SBF2: variants seen among roughly 807,000 people sequenced by gnomAD.
The protein encoded by SBF2 is myotubularin-related protein 13.
A neutral mutation model predicts 225.2 loss-of-function variants in SBF2; 112 were observed. That is an observed-to-expected ratio of 0.50 (90% CI 0.43 to 0.58). The LOEUF (loss-of-function observed/expected upper bound fraction) is 0.58. SBF2 is among the 20% of genes least tolerant of loss of function. The pLI is 0.00. For missense variants in SBF2, 1,996 were observed against 2,206.2 expected, an observed-to-expected ratio of 0.90 and a Z score of 1.91; for synonymous variants, 763 against 773.3, an observed-to-expected ratio of 0.99 and a Z score of 0.22.
At chr11:10,022,982 ATACT>A (rs1444386190) in intron 6 of SBF2, among the ~76,000 whole-genome samples, 3 of 152,110 alleles carry the variant, frequency 2.0e-5, no homozygotes, top group African/African-American at 7.2e-5. Context: ...ACGGCACATA[ATACT>A]TGCTTGTTTT....
intron 17 of SBF2, among the ~76,000 whole-genome samples, chr11:9,880,099 AAAAAAAAAAAAAG>A (rs1449962747): frequency 6.7e-6 from 1 of 149,004 alleles, no homozygotes; most frequent in Non-Finnish European, 1.5e-5. Context: ...AAAAAAAAAA[AAAAAAAAAAAAAG>A]ATCTCAGGAT....
intron 28 of SBF2, among the ~76,000 whole-genome samples, chr11:9,826,098 G>T (rs2133926063): frequency 6.6e-6 from 1 of 152,302 alleles, no homozygotes; most frequent in East Asian, 1.9e-4. Context: ...TAAAATACCA[G>T]TCCACACCCC....
chr11:10,214,886 G>T (rs1276390142), intron 1 of SBF2, among the ~76,000 whole-genome samples: 1 of 152,196 alleles, frequency 6.6e-6, no homozygotes. Flanking sequence ...CAAAAAGGGG[G>T]CTTAAGATAA....
rs75690203 is a variant in SBF2 at position 10,267,204 on chromosome 11, G to C, written c.55+26811C>G. On this transcript the variant is annotated intron_variant, in intron 1 of 39. Coordinates refer to ENST00000256190, the MANE Select transcript of SBF2 (RefSeq NM_030962.4). ...CTACTTGGAATATAGATGGGATGGA[G>C]CTGAGATGCTAAGTACAAAGCTAGA... is the stretch of plus-strand genomic sequence containing the variant. 2.6e-3 allele frequency among the ~76,000 whole-genome samples: 392 copies of C among 152,322 alleles called. 2 individuals are homozygous for C. Among genetic ancestry groups the C allele is most frequent in the Non-Finnish European group, 4.3e-3 (293 of 68,026 alleles).
Position 9,847,079 on chromosome 11 carries a change from A to C in SBF2, c.2811T>G (p.Gly937=). 6.2e-7 allele frequency: 1 copy of C among 1,613,730 alleles called. No homozygotes were observed. The highest frequency in any genetic ancestry group is 1.3e-5 in the African/African-American group (1 of 75,022). ...GAAAGCTCCGCACAACTGTCTGCTC[A>C]CCCACTGTAAATAGACAGGACACAG... The part of the protein sequence containing the change: ...FRGTPHDQLV[G]EQTVVRSFPI... The change falls in exon 23 of 40, where the codon GGT becomes GGG. Residue 937 remains glycine (G), a synonymous_variant. Coordinates refer to ENST00000256190, the MANE Select transcript of SBF2 (RefSeq NM_030962.4).
At chr11:9,884,334 C>T (rs542862662) in intron 17 of SBF2, among the ~76,000 whole-genome samples, 1 of 152,242 alleles carries the variant, frequency 6.6e-6, no homozygotes, top group South Asian at 2.1e-4. Context: ...TAATCTGGAC[C>T]TTTAGTTTTT....
At chr11:10,182,871 T>C (rs1956792844) in intron 2 of SBF2, among the ~76,000 whole-genome samples, 1 of 152,076 alleles carries the variant, frequency 6.6e-6, no homozygotes, top group African/African-American at 2.4e-5. Flanking sequence ...TGTCCTGGGT[T>C]CAAGTGATTC....
chr11:10,293,590 T>C (rs1015269807), intron 1 of SBF2, among the ~76,000 whole-genome samples: 1 of 152,216 alleles, frequency 6.6e-6, no homozygotes, highest in African/African-American at 2.4e-5. Flanking sequence ...GACAACCCCC[T>C]GCGTCACTGG....
At chr11:9,932,468 G>A (rs1274618926) in intron 16 of SBF2, among the ~76,000 whole-genome samples, 1 of 152,150 alleles carries the variant, frequency 6.6e-6, no homozygotes, top group Non-Finnish European at 1.5e-5. Context: ...GAGAGAGGGG[G>A]CCAATATTCA....
At chr11:10,020,062 G>A (rs150848528) in intron 6 of SBF2, among the ~76,000 whole-genome samples, 3 of 152,136 alleles carry the variant, frequency 2.0e-5, no homozygotes, top group Admixed American at 6.5e-5. Context: ...AATGTCAGGC[G>A]ACCATCAGGT....
chr11:10,099,490 T>C (rs1472757277), intron 2 of SBF2, among the ~76,000 whole-genome samples: 1 of 152,172 alleles, frequency 6.6e-6, no homozygotes, highest in East Asian at 1.9e-4. Flanking sequence ...AAAACTATTC[T>C]AATTAATAAC....
At chr11:10,294,860 C>T (rs1407536674), upstream of SBF2, among the ~76,000 whole-genome samples, 2 of 152,228 alleles carry the variant, frequency 1.3e-5, no homozygotes, top group African/African-American at 4.8e-5. Flanking sequence ...TGGCCTCTCC[C>T]TGGGGAGCCC....
intron 16 of SBF2, among the ~76,000 whole-genome samples, chr11:9,948,468 T>C (rs552417135): frequency 5.3e-4 from 81 of 152,330 alleles, no homozygotes; most frequent in African/African-American, 1.8e-3. Context: ...CTAGAGTTCA[T>C]TGATTCTTTA....
At chr11:9,912,015 A>C (rs1483522415) in intron 16 of SBF2, among the ~76,000 whole-genome samples, 2 of 152,182 alleles carry the variant, frequency 1.3e-5, no homozygotes, top group African/African-American at 4.8e-5. Context: ...AAACACTATA[A>C]ATTTTTTTTG....
chr11:9,812,435 G>T, intron 30 of SBF2, 97 bp downstream of exon 30: 1 of 1,308,206 alleles, frequency 7.6e-7, no homozygotes, highest in Non-Finnish European at 1.1e-6. Context: ...TGGGGAGTAG[G>T]GGAACAAAGT....
At chr11:10,037,093 T>C (rs1949466208) in intron 3 of SBF2, among the ~76,000 whole-genome samples, 1 of 152,170 alleles carries the variant, frequency 6.6e-6, no homozygotes, top group Non-Finnish European at 1.5e-5. Context: ...AAAATACATC[T>C]GTGAGGGACA....
intron 2 of SBF2, among the ~76,000 whole-genome samples, chr11:10,154,101 T>C (rs1000245650): frequency 6.6e-6 from 1 of 152,096 alleles, no homozygotes; most frequent in Non-Finnish European, 1.5e-5. Context: ...AGTTAATTAG[T>C]GGAAGTCTTC....
At chr11:10,069,318 AC>A (rs144803249) in intron 2 of SBF2, among the ~76,000 whole-genome samples, 1 of 71,712 alleles carries the variant, frequency 1.4e-5, no homozygotes, top group African/African-American at 7.8e-5. Flanking sequence ...CCCTCCCCCC[AC>A]CCCCCAACAG....
intron 2 of SBF2, among the ~76,000 whole-genome samples, chr11:10,157,515 T>C (rs924474367): frequency 6.6e-6 from 1 of 152,172 alleles, no homozygotes; most frequent in Non-Finnish European, 1.5e-5. Flanking sequence ...TTGCAAACTA[T>C]GCATCCAACA....
Sources: gnomAD v4.1 joint callset for allele counts (sites outside exome capture counted in the v4.1 genomes callset) on GRCh38, gnomAD v4.1.1 for gene constraint, MANE v1.5 for transcripts, NCBI Gene and HGNC (gene_info 2026-07-23, HGNC 2026-07-21) for gene names.